SFXN4: variants seen among roughly 807,000 people sequenced by gnomAD.
SFXN4 encodes the protein sideroflexin-4.
Under a neutral mutation model 54.6 loss-of-function variants are expected in SFXN4, and 48 were observed. That is an observed-to-expected ratio of 0.88 (90% CI 0.70 to 1.12). The LOEUF (loss-of-function observed/expected upper bound fraction) is 1.12, where lower values mean the gene tolerates loss of function less well. Ranked by LOEUF, SFXN4 falls within the 50% of genes most tolerant of loss-of-function variation. The pLI is 0.00. For missense variants in SFXN4, 383 were observed against 409.2 expected (o/e 0.94, Z 0.55); for synonymous variants, 130 against 145.5 (o/e 0.89, Z 0.77).
Position 119,159,672 on chromosome 10 carries a change from G to A in SFXN4, c.360+56C>T, listed in dbSNP as rs981840137. ...AGGGACACAGCTGAGGTTAGGAGGA[G>A]AGTGGCCATCTTCCCAAGCCCCTAG... On this transcript the variant is annotated intron_variant, in intron 6 of 13. Coordinates refer to ENST00000355697, the MANE Select transcript of SFXN4 (RefSeq NM_213649.2). 13 of 1,573,694 alleles carry A rather than the reference G, an allele frequency of 8.3e-6. No individual in the cohort carries two copies. The South Asian group carries it at 1.0e-4, about 12-fold the overall frequency.
intron 4 of SFXN4, 31 bp downstream of exon 4, chr10:119,161,024 C>T (rs1311275975): frequency 1.9e-6 from 3 of 1,613,914 alleles, no homozygotes; most frequent in Non-Finnish European, 8.5e-7. Context: ...TATTATAGGA[C>T]ACTAAAAATT....
chr10:119,150,167 A>T (rs1431982768), intron 11 of SFXN4, among the ~76,000 whole-genome samples: 1 of 151,826 alleles, frequency 6.6e-6, no homozygotes, highest in East Asian at 1.9e-4. Flanking sequence ...TTTAAAGTAG[A>T]CCAGTAAAGC....
chr10:119,157,578 A>G, intron 9 of SFXN4, 90 bp downstream of exon 9: 2 of 1,066,524 alleles, frequency 1.9e-6, no homozygotes, highest in Non-Finnish European at 1.4e-6. Flanking sequence ...TAAATTGTTT[A>G]AATTGGAACA....
Position 119,160,910 on chromosome 10 carries a change from C to G in SFXN4, c.334+5G>C. 1 of 1,614,004 alleles carries G rather than the reference C, an allele frequency of 6.2e-7. No homozygotes were observed. The highest frequency in any genetic ancestry group is 8.5e-7 in the Non-Finnish European group (1 of 1,179,942). On this transcript the variant is annotated splice_donor_5th_base_variant and intron_variant, in intron 5 of 13. Transcript: ENST00000355697. ...ACCCACTTCTGAAAATTAGAACCAA[C>G]TCACCTGCAGGTCGAAAAAGCTTGG...
intron 11 of SFXN4, 51 bp downstream of exon 11, chr10:119,155,011 T>C (rs1847221867): frequency 2.4e-6 from 3 of 1,270,126 alleles, no homozygotes; most frequent in African/African-American, 1.5e-5. Flanking sequence ...AACAGAAAAG[T>C]CTAGTCGTTG....
In SFXN4 at chr10:119,165,542, G is replaced by C. The variant is rs889399622; in HGVS notation, c.106C>G (p.Arg36Gly). The C allele has an allele frequency of 7.6e-6, 12 of 1,582,438 alleles. 1 individual carries two copies. Among genetic ancestry groups the C allele is most frequent in the East Asian group, 2.5e-5 (1 of 40,172 alleles). ...GCGCCGGGCCCGGGCCGTACTTGGCGCTCGGTGATCCAGAAGCGCACGTTG... is the reference window on the plus strand; with the variant it reads ...GCGCCGGGCCCGGGCCGTACTTGGCCCTCGGTGATCCAGAAGCGCACGTTG... ...EPNVRFWITE[R>G]QSFIRRFLQW... The change falls in exon 1 of 14, where the codon CGC becomes GGC. Residue 36 changes from arginine (R) to glycine (G), a missense_variant. By Grantham distance (125) the Arg-to-Gly change is moderately radical. Coordinates refer to ENST00000355697, the MANE Select transcript of SFXN4 (RefSeq NM_213649.2).
chr10:119,160,843 G>A lies in SFXN4; in HGVS notation c.334+72C>T, dbSNP rs1564826865. 14 of 1,489,638 alleles carry A rather than the reference G, an allele frequency of 9.4e-6. 1 individual carries two copies. The East Asian group carries it at 1.4e-4, about 14-fold the overall frequency. The allele number at this position is 1,489,638 out of a possible 1,614,324, so 92.3% of individuals were successfully genotyped here. On this transcript the variant is annotated intron_variant, in intron 5 of 13. Coordinates refer to ENST00000355697, the MANE Select transcript of SFXN4 (RefSeq NM_213649.2). ...TCGAACTCCTGACCCCAGGTGATCC[G>A]GCAGGCAGAGTTTTCTAAGTGTTAG...
In SFXN4 at chr10:119,161,058, A is replaced by G; in HGVS notation, c.276T>C (p.Ser92=). 1 of 1,613,830 alleles carries G rather than the reference A, an allele frequency of 6.2e-7. No homozygotes were observed. Among genetic ancestry groups the G allele is most frequent in the East Asian group, 2.2e-5 (1 of 44,892 alleles). ...TTAGGAAGGGGCTGAAACTTACAAG[A>G]CTCCGCTTCCAAGCTTCTTGTATCT... ...DQRIQEAWKR[S]LATVHPDSSN... The change falls in exon 4 of 14, where the codon AGT becomes AGC. Residue 92 remains serine, a synonymous_variant. Transcript: ENST00000355697.
intron 11 of SFXN4, among the ~76,000 whole-genome samples, chr10:119,148,607 G>T (rs967307233): frequency 2.2e-4 from 33 of 152,120 alleles, no homozygotes; most frequent in African/African-American, 7.7e-4. Flanking sequence ...AGCTCTGAGG[G>T]CACGGGCACA....
intron 12 of SFXN4, among the ~76,000 whole-genome samples, chr10:119,147,177 G>A (rs369757406): frequency 5.3e-5 from 8 of 152,260 alleles, no homozygotes; most frequent in East Asian, 3.9e-4. Context: ...AGGGAGGCGC[G>A]CCCAGCAGGG....
intron 11 of SFXN4, among the ~76,000 whole-genome samples, chr10:119,151,166 G>A (rs1847051516): frequency 6.6e-6 from 1 of 152,126 alleles, no homozygotes; most frequent in Non-Finnish European, 1.5e-5. Flanking sequence ...TCAGGAGATC[G>A]AGACCATCCT....
intron 13 of SFXN4, 145 bp downstream of exon 13, chr10:119,146,091 G>A: frequency 2.0e-6 from 1 of 507,378 alleles, no homozygotes; most frequent in Non-Finnish European, 3.5e-6. Flanking sequence ...CTCCCAAAGT[G>A]CTGGGATTAC....
At chr10:119,160,752 C>G (rs1003032515) in intron 5 of SFXN4, among the ~76,000 whole-genome samples, 163 bp downstream of exon 5, 1 of 151,882 alleles carries the variant, frequency 6.6e-6, no homozygotes, top group Non-Finnish European at 1.5e-5. Context: ...CGTGCCACCA[C>G]AATGCCCAAC....
chr10:119,165,200 A>C (rs1331867853), intron 1 of SFXN4: 8 of 1,058,526 alleles, frequency 7.6e-6, no homozygotes, highest in Non-Finnish European at 8.0e-6. Context: ...GGCTGAGCTT[A>C]CCAAGGTGCG....
chr10:119,164,268 CT>C (rs35023478), intron 1 of SFXN4, 72 bp from the exon 2 acceptor site: 2,569 of 500,986 alleles, frequency 5.1e-3, no homozygotes, highest in South Asian at 5.9e-3. Flanking sequence ...TAACAGTTGG[CT>C]TTTTTTTTTT....
At chr10:119,157,840 C>A (rs936617523) in intron 8 of SFXN4, 31 bp downstream of exon 8, 1 of 1,612,908 alleles carries the variant, frequency 6.2e-7, no homozygotes, top group Non-Finnish European at 8.5e-7. Flanking sequence ...TAACACAAAA[C>A]CCCACACTCT....
At chr10:119,160,192 A>G (rs1207118143) in intron 5 of SFXN4, among the ~76,000 whole-genome samples, 1 of 152,052 alleles carries the variant, frequency 6.6e-6, no homozygotes, top group Non-Finnish European at 1.5e-5. Context: ...AAATGACAAT[A>G]ATAATAAAGT....
At position 119,160,937 on chromosome 10, in the gene SFXN4, G is replaced by C. The variant is rs747908437; in HGVS notation, c.312C>G (p.Ile104Met). ...ATVHPDSSNLIPKLFRPAAFL... is the reference protein window; with the variant it reads ...ATVHPDSSNLMPKLFRPAAFL... ...CACCTGCAGGTCGAAAAAGCTTGGG[G>C]ATCAGGTTGCTGCTGTCGGGATGCA... is the stretch of plus-strand genomic sequence containing the variant. The change falls in exon 5 of 14, where the codon ATC becomes ATG. Residue 104 changes from isoleucine to methionine, a missense_variant. Physicochemically the swap from Ile to Met is conservative, Grantham distance 10 (BLOSUM62 1). Transcript: ENST00000355697. The C allele has an allele frequency of 3.7e-6, 6 of 1,614,048 alleles. No individual in the cohort carries two copies. Among genetic ancestry groups the C allele is most frequent in the Non-Finnish European group, 4.2e-6 (5 of 1,180,038 alleles).
At chr10:119,150,623 C>G (rs956464266) in intron 11 of SFXN4, among the ~76,000 whole-genome samples, 1 of 151,956 alleles carries the variant, frequency 6.6e-6, no homozygotes, top group African/African-American at 2.4e-5. Flanking sequence ...GAGCCATGTT[C>G]GTACCATTGC....
Sources: allele counts gnomAD v4.1 joint callset (sites outside exome capture counted in the v4.1 genomes callset), GRCh38; gene constraint gnomAD v4.1.1; transcripts MANE v1.5; gene names NCBI Gene and HGNC (gene_info 2026-07-23, HGNC 2026-07-21).